Variants in IL1RAPL2 observed in about 807,000 individuals in gnomAD.
The protein encoded by IL1RAPL2 is X-linked interleukin-1 receptor accessory protein-like 2.
Under a neutral mutation model 44.1 loss-of-function variants are expected in IL1RAPL2, and 3 were observed. The ratio of observed to expected loss-of-function variants is 0.07; its 90% CI spans 0.03 to 0.18. The LOEUF (loss-of-function observed/expected upper bound fraction) is 0.18. Among genes scored for constraint, IL1RAPL2 ranks in the 10% least tolerant of loss-of-function variants. The probability of loss-of-function intolerance (pLI) is 1.00; values close to 1 mark genes in which losing one functional copy is unlikely to be tolerated. For synonymous variants in IL1RAPL2, 181 were observed against 178.8 expected (o/e 1.01, Z -0.10); for missense variants, 391 against 496.4 (o/e 0.79, Z 2.02).
intron 2 of IL1RAPL2, among the ~76,000 whole-genome samples, chrX:104,893,091 T>A (rs2147666936): frequency 8.9e-6 from 1 of 112,046 alleles, no homozygotes; most frequent in East Asian, 2.8e-4. Flanking sequence ...TCCATGTAGT[T>A]GAGTGGTTTT....
chrX:104,900,369 T>C (rs951265503), intron 2 of IL1RAPL2, among the ~76,000 whole-genome samples: 5 of 111,375 alleles, frequency 4.5e-5, no homozygotes, highest in Admixed American at 3.9e-4. Flanking sequence ...TTTTAATCTC[T>C]GGAATTTCTT....
At chrX:104,968,979 CTGTGTGTG>C (rs35842489) in intron 2 of IL1RAPL2, among the ~76,000 whole-genome samples, 2,829 of 81,998 alleles carry the variant, frequency 0.035, 121 homozygotes, top group African/African-American at 0.12. Flanking sequence ...TTGCCTTTTG[CTGTGTGTG>C]TGTGTGTGTG....
Position 105,749,001 on chromosome X carries a change from A to G in IL1RAPL2, c.1090A>G (p.Ile364Val), listed in dbSNP as rs147084511. 215 of 1,207,608 alleles carry G rather than the reference A, an allele frequency of 1.8e-4. No individual in the cohort carries two copies. The highest frequency in any genetic ancestry group is 2.3e-4 in the Non-Finnish European group (208 of 893,400). The change falls in exon 9 of 11, where the codon ATC becomes GTC. Residue 364 changes from isoleucine (I) to valine (V), a missense_variant. Ile to Val is a conservative substitution (Grantham distance 29, BLOSUM62 3). Coordinates refer to ENST00000372582, the MANE Select transcript of IL1RAPL2 (RefSeq NM_017416.2). Reference sequence around the variant, plus strand: ...TGAGCTTGCAGGGGGCCTGGGAGCAATCTTCCTCCTCCTTGTACTGCTGGT... The same window carrying G: ...TGAGCTTGCAGGGGGCCTGGGAGCAGTCTTCCTCCTCCTTGTACTGCTGGT... ...KIELAGGLGA[I>V]FLLLVLLVVI...
At chrX:104,967,448 AAAT>A (rs755674078) in intron 2 of IL1RAPL2, among the ~76,000 whole-genome samples, 2 of 111,541 alleles carry the variant, frequency 1.8e-5, no homozygotes, top group South Asian at 3.7e-4. Context: ...CTATATTAAA[AAAT>A]AAAAGGTTAT....
intron 2 of IL1RAPL2, among the ~76,000 whole-genome samples, chrX:104,921,960 C>T (rs1924654282): frequency 8.9e-6 from 1 of 112,328 alleles, no homozygotes; most frequent in Non-Finnish European, 1.9e-5. Flanking sequence ...TTACCCTGAG[C>T]GTGCTCTGTG....
intron 2 of IL1RAPL2, among the ~76,000 whole-genome samples, chrX:104,975,619 T>C (rs940289017): frequency 2.7e-5 from 3 of 112,569 alleles, no homozygotes; most frequent in African/African-American, 9.7e-5. Flanking sequence ...CTGGCCAAAT[T>C]TGTCCTTGTA....
intron 6 of IL1RAPL2, among the ~76,000 whole-genome samples, chrX:105,510,870 G>C (rs756678146): frequency 9.0e-6 from 1 of 111,630 alleles, no homozygotes; most frequent in African/African-American, 3.3e-5. Context: ...GACTTGTGAC[G>C]TACAGAACTG....
intron 2 of IL1RAPL2, among the ~76,000 whole-genome samples, chrX:104,767,811 T>A (rs1932581226): frequency 9.0e-6 from 1 of 111,208 alleles, no homozygotes; most frequent in African/African-American, 3.3e-5. Flanking sequence ...GTTAGTAGAA[T>A]AAGTGGCAAG....
chrX:105,524,941 C>A (rs2147790787), intron 6 of IL1RAPL2, among the ~76,000 whole-genome samples: 1 of 111,370 alleles, frequency 9.0e-6, no homozygotes, highest in South Asian at 3.7e-4. Flanking sequence ...GCCTGAAACA[C>A]TTGATAAATG....
At chrX:104,620,669 A>AAAAG (rs1929374994) in intron 1 of IL1RAPL2, among the ~76,000 whole-genome samples, 1 of 102,390 alleles carries the variant, frequency 9.8e-6, no homozygotes, top group Non-Finnish European at 2.0e-5. Context: ...AAAAAAAAAA[A>AAAAG]AGAGATGGTA....
At chrX:105,640,803 G>T (rs1201376912) in intron 6 of IL1RAPL2, among the ~76,000 whole-genome samples, 1 of 102,311 alleles carries the variant, frequency 9.8e-6, no homozygotes, top group Non-Finnish European at 2.0e-5. Context: ...TAGATAGAGA[G>T]AGAGACCGAG....
At chrX:105,421,727 T>A in intron 5 of IL1RAPL2, among the ~76,000 whole-genome samples, 1 of 111,688 alleles carries the variant, frequency 9.0e-6, no homozygotes, top group Non-Finnish European at 1.9e-5. Flanking sequence ...AGTAGGCAGC[T>A]ATGAAAATGG....
intron 2 of IL1RAPL2, among the ~76,000 whole-genome samples, chrX:104,954,003 TC>T (rs1925649472): frequency 9.0e-6 from 1 of 111,657 alleles, no homozygotes; most frequent in African/African-American, 3.3e-5. Flanking sequence ...GCTATAGAAA[TC>T]AAAAGTGTCC....
chrX:104,896,467 T>A lies in IL1RAPL2; in HGVS notation c.82+237472T>A, dbSNP rs111335941. ...GTCATCACCCAATTCCCAACAGCAGTTGGGGTGTCCTGTTTAGAGGGGAGA... is the reference window on the plus strand; with the variant it reads ...GTCATCACCCAATTCCCAACAGCAGATGGGGTGTCCTGTTTAGAGGGGAGA... On this transcript the variant is annotated intron_variant, in intron 2 of 10. Coordinates refer to ENST00000372582, the MANE Select transcript of IL1RAPL2 (RefSeq NM_017416.2). Among the ~76,000 whole-genome samples, 179 of 111,474 alleles carry A rather than the reference T, an allele frequency of 1.6e-3. 1 individual carries two copies. Among genetic ancestry groups the A allele is most frequent in the Middle Eastern group, 4.6e-3 (1 of 216 alleles).
chrX:105,210,718 C>G (rs1569404273), intron 3 of IL1RAPL2, among the ~76,000 whole-genome samples: 1 of 111,531 alleles, frequency 9.0e-6, no homozygotes, highest in Non-Finnish European at 1.9e-5. Context: ...AGTTAGGGAA[C>G]TGGCCCCAAG....
intron 6 of IL1RAPL2, among the ~76,000 whole-genome samples, chrX:105,546,419 A>G (rs1340403927): frequency 9.0e-6 from 1 of 111,578 alleles, no homozygotes; most frequent in Non-Finnish European, 1.9e-5. Context: ...CAAACAATAC[A>G]ATGAGATCAT....
chrX:104,593,760 C>T (rs5917102), intron 1 of IL1RAPL2, among the ~76,000 whole-genome samples: 1 of 111,093 alleles, frequency 9.0e-6, no homozygotes, highest in East Asian at 2.9e-4. Flanking sequence ...CTTTACCTTT[C>T]CATGCATCTG....
chrX:105,764,584 T>G (rs1290473606), intron 10 of IL1RAPL2, among the ~76,000 whole-genome samples: 1 of 111,770 alleles, frequency 8.9e-6, no homozygotes, highest in African/African-American at 3.3e-5. Flanking sequence ...GAGGATTGTT[T>G]AAGGCCAGGA....
chrX:105,454,270 A>G (rs1027513939), intron 5 of IL1RAPL2, among the ~76,000 whole-genome samples: 1 of 111,726 alleles, frequency 9.0e-6, no homozygotes, highest in African/African-American at 3.3e-5. Context: ...TGCTCCAGAG[A>G]CAGAACTAAT....
Sources: gnomAD v4.1 joint callset for allele counts (sites outside exome capture counted in the v4.1 genomes callset) on GRCh38, gnomAD v4.1.1 for gene constraint, MANE v1.5 for transcripts, NCBI Gene and HGNC (gene_info 2026-07-23, HGNC 2026-07-21) for gene names.